ATG14: variants seen among roughly 807,000 people sequenced by gnomAD.
The protein encoded by ATG14 is autophagy related 14, also known as beclin 1-associated autophagy-related key regulator.
Under a neutral mutation model 60.4 loss-of-function variants are expected in ATG14, and 35 were observed. The ratio of observed to expected loss-of-function variants is 0.58; its 90% CI spans 0.44 to 0.77. The LOEUF (loss-of-function observed/expected upper bound fraction) is 0.77. Ranked by LOEUF, ATG14 falls within the 30% of genes least tolerant of loss-of-function variation. The pLI, the probability that ATG14 is intolerant of heterozygous loss-of-function variation, is 0.00. For synonymous variants in ATG14, 234 were observed against 228.8 expected, an observed-to-expected ratio of 1.02 and a Z score of -0.21; for missense variants, 647 against 626.3, an observed-to-expected ratio of 1.03 and a Z score of -0.35.
chr14:55,366,860 A>G lies in ATG14; in HGVS notation c.*2759T>C, dbSNP rs1884690785. ...GGCACCTACATGAAAGATTTTAATG[A>G]GCAGCAAAAAGAGTAGAAAAAACAG... On this transcript the variant is annotated 3_prime_UTR_variant, in exon 10 of 10. Coordinates refer to ENST00000247178, the MANE Select transcript of ATG14 (RefSeq NM_014924.5). 1 of 152,658 alleles carries G rather than the reference A, an allele frequency of 6.6e-6. No individual in the cohort carries two copies. The highest frequency in any genetic ancestry group is 1.5e-5 in the Non-Finnish European group (1 of 68,046). The allele number at this position is 152,658 out of a possible 1,614,324, so 9.5% of individuals were successfully genotyped here.
chr14:55,383,314 G>A (rs1368869758), intron 5 of ATG14, among the ~76,000 whole-genome samples: 1 of 152,180 alleles, frequency 6.6e-6, no homozygotes, highest in Admixed American at 6.5e-5. Context: ...ACTTTGGAAG[G>A]CTGAGGCAGG....
chr14:55,408,329 C>A (rs1349606414), intron 1 of ATG14, among the ~76,000 whole-genome samples: 2 of 152,086 alleles, frequency 1.3e-5, no homozygotes, highest in African/African-American at 4.8e-5. Context: ...TTGATGTGCG[C>A]CTGTAGTCCC....
chr14:55,395,230 G>C (rs1885292846), intron 3 of ATG14: 1 of 361,814 alleles, frequency 2.8e-6, no homozygotes, highest in East Asian at 7.9e-5. Flanking sequence ...TTCCTCTTGG[G>C]CATCCTGGCT....
Position 55,369,218 on chromosome 14 carries a change from C to A in ATG14, c.*401G>T, listed in dbSNP as rs1003567701. The A allele has an allele frequency of 1.3e-5, 2 of 158,222 alleles. No individual in the cohort carries two copies. Among genetic ancestry groups the A allele is most frequent in the African/African-American group, 4.8e-5 (2 of 41,688 alleles). The allele number at this position is 158,222 out of a possible 1,614,324, so 9.8% of individuals were successfully genotyped here. ...CAAGAATCACCTCTTGTGATTCAACCAACCTCTAAAACTTAAAGTGTCAGG... is the reference window on the plus strand; with the variant it reads ...CAAGAATCACCTCTTGTGATTCAACAAACCTCTAAAACTTAAAGTGTCAGG... On this transcript the variant is annotated 3_prime_UTR_variant, in exon 10 of 10. Transcript: ENST00000247178.
At chr14:55,389,346 G>T (rs529974406) in intron 4 of ATG14, among the ~76,000 whole-genome samples, 2 of 152,334 alleles carry the variant, frequency 1.3e-5, no homozygotes, top group African/African-American at 4.8e-5. Context: ...TGTTGCTACT[G>T]AACAAAGAGC....
chr14:55,385,577 G>A (rs1424432608), intron 5 of ATG14, among the ~76,000 whole-genome samples: 1 of 152,168 alleles, frequency 6.6e-6, no homozygotes, highest in East Asian at 1.9e-4. Context: ...ATAGGCGTGA[G>A]CCACCACTCC....
intron 1 of ATG14, among the ~76,000 whole-genome samples, chr14:55,398,706 G>A (rs1037113729): frequency 3.3e-5 from 5 of 152,030 alleles, no homozygotes; most frequent in Admixed American, 6.6e-5. Flanking sequence ...AAAGTTCCAC[G>A]CGTACTTGAA....
chr14:55,406,597 A>G lies in ATG14; in HGVS notation c.221+5005T>C, dbSNP rs999655593. 3.3e-5 allele frequency among the ~76,000 whole-genome samples: 5 copies of G among 152,240 alleles called. No individual in the cohort carries two copies. The East Asian group carries it at 5.8e-4, about 18-fold the overall frequency. The stretch of plus-strand genomic sequence containing the variant: ...TGTATTGCCAGAAAATTTTGTGCAC[A>G]TAACAGTGCCCAATGAGAGCTCATT... On this transcript the variant is annotated intron_variant, in intron 1 of 9. Transcript: ENST00000247178.
chr14:55,372,984 AT>A (rs1241917186), intron 9 of ATG14, among the ~76,000 whole-genome samples: 2 of 151,882 alleles, frequency 1.3e-5, no homozygotes, highest in East Asian at 3.9e-4. Context: ...ATCAACCTAC[AT>A]TTCTGAGAAG....
chr14:55,375,698 T>G (rs1884906494), intron 9 of ATG14, among the ~76,000 whole-genome samples: 1 of 152,056 alleles, frequency 6.6e-6, no homozygotes, highest in African/African-American at 2.4e-5. Flanking sequence ...GTTCAATAAT[T>G]ATACCATCTA....
chr14:55,378,352 T>C (rs1451969020), intron 7 of ATG14, among the ~76,000 whole-genome samples: 1 of 152,218 alleles, frequency 6.6e-6, no homozygotes, highest in Non-Finnish European at 1.5e-5. Context: ...ATGAAAAATG[T>C]ACAAGATTAT....
At chr14:55,400,323 T>G (rs532221366) in intron 1 of ATG14, among the ~76,000 whole-genome samples, 1 of 152,352 alleles carries the variant, frequency 6.6e-6, no homozygotes, top group East Asian at 1.9e-4. Flanking sequence ...TATATAGTTT[T>G]TAAAAGTGTG....
intron 1 of ATG14, among the ~76,000 whole-genome samples, chr14:55,402,926 AATATATATATAT>A (rs71131262): frequency 0.013 from 216 of 16,388 alleles, 3 homozygotes; most frequent in South Asian, 0.036. Context: ...AAAAAAAAAA[AATATATATATAT>A]ATATATATAT....
chr14:55,399,445 G>A (rs145440834), intron 1 of ATG14, among the ~76,000 whole-genome samples: 1 of 152,196 alleles, frequency 6.6e-6, no homozygotes, highest in African/African-American at 2.4e-5. Flanking sequence ...ACCAGTATTA[G>A]AAAACTCAGA....
chr14:55,383,660 T>C (rs1012585326), intron 5 of ATG14, among the ~76,000 whole-genome samples: 1 of 151,446 alleles, frequency 6.6e-6, no homozygotes, highest in African/African-American at 2.4e-5. Flanking sequence ...TTCCAGCACT[T>C]TGGAAGGTCA....
chr14:55,374,182 T>C (rs781355282), intron 9 of ATG14, among the ~76,000 whole-genome samples: 1 of 152,174 alleles, frequency 6.6e-6, no homozygotes, highest in Non-Finnish European at 1.5e-5. Flanking sequence ...GAAACTTGTT[T>C]TGAATTGCAT....
chr14:55,406,049 G>GT (rs919090543), intron 1 of ATG14, among the ~76,000 whole-genome samples: 1 of 152,110 alleles, frequency 6.6e-6, no homozygotes, highest in African/African-American at 2.4e-5. Flanking sequence ...ATGAGTTTAG[G>GT]TATTTCTCAA....
intron 4 of ATG14, among the ~76,000 whole-genome samples, chr14:55,387,375 G>C (rs756843467): frequency 6.6e-6 from 1 of 152,096 alleles, no homozygotes; most frequent in African/African-American, 2.4e-5. Context: ...CTAACACTCA[G>C]GCTATCTATT....
At chr14:55,391,094 T>A in intron 3 of ATG14, 102 bp from the exon 4 acceptor site, 1 of 761,318 alleles carries the variant, frequency 1.3e-6, no homozygotes, top group Non-Finnish European at 2.1e-6. Context: ...TCAGAAAACA[T>A]AATGAAGAAA....
Sources: gnomAD v4.1 joint callset for allele counts (sites outside exome capture counted in the v4.1 genomes callset) on GRCh38, gnomAD v4.1.1 for gene constraint, MANE v1.5 for transcripts, NCBI Gene and HGNC (gene_info 2026-07-23, HGNC 2026-07-21) for gene names.